Variants in ATP8A2 observed in about 807,000 individuals in gnomAD.
ATP8A2 encodes the protein phospholipid-transporting ATPase IB.
Under a neutral mutation model 165.6 loss-of-function variants are expected in ATP8A2, and 100 were observed. The observed-to-expected ratio is 0.60, with a 90% CI of 0.51 to 0.71. ATP8A2 has a LOEUF of 0.71. ATP8A2 is among the 30% of genes least tolerant of loss of function. The pLI is 0.00. For missense variants in ATP8A2, 1,227 were observed against 1,479.5 expected, an observed-to-expected ratio of 0.83 and a Z score of 2.80; for synonymous variants, 543 against 548.8, an observed-to-expected ratio of 0.99 and a Z score of 0.15.
intron 1 of ATP8A2, among the ~76,000 whole-genome samples, chr13:25,387,908 A>C (rs2033113659): frequency 6.6e-6 from 1 of 151,996 alleles, no homozygotes; most frequent in African/African-American, 2.4e-5. Context: ...TACTAAAAAT[A>C]TAAAATTAGC....
intron 25 of ATP8A2, among the ~76,000 whole-genome samples, chr13:25,744,325 A>ACCCCCCCCC (rs138866684): frequency 1.4e-4 from 21 of 148,504 alleles, no homozygotes; most frequent in African/African-American, 4.6e-4. Flanking sequence ...CTCACTCACC[A>ACCCCCCCCC]CCCCCCCGTG....
intron 2 of ATP8A2, among the ~76,000 whole-genome samples, chr13:25,477,209 T>C (rs2036019684): frequency 6.6e-6 from 1 of 152,220 alleles, no homozygotes; most frequent in African/African-American, 2.4e-5. Flanking sequence ...ATCTGTGCCA[T>C]TTCCACTGTT....
intron 2 of ATP8A2, among the ~76,000 whole-genome samples, chr13:25,480,614 C>T (rs969136411): frequency 3.3e-5 from 5 of 151,368 alleles, no homozygotes; most frequent in Non-Finnish European, 5.9e-5. Context: ...CGGGAAGAGG[C>T]GCTCCTCACT....
chr13:25,448,117 G>A (rs1159732630), intron 1 of ATP8A2, among the ~76,000 whole-genome samples: 2 of 152,190 alleles, frequency 1.3e-5, no homozygotes, highest in Non-Finnish European at 1.5e-5. Context: ...ATGGGTCCAG[G>A]CTTGAGGGTG....
intron 25 of ATP8A2, among the ~76,000 whole-genome samples, chr13:25,738,334 C>T (rs2043825535): frequency 4.1e-5 from 1 of 24,386 alleles, no homozygotes; most frequent in African/African-American, 1.1e-4. Flanking sequence ...TCTTTTTGTG[C>T]CCCCCTCCCC....
chr13:25,413,336 C>T (rs1453462823), intron 1 of ATP8A2, among the ~76,000 whole-genome samples: 4 of 125,054 alleles, frequency 3.2e-5, no homozygotes, highest in Non-Finnish European at 6.2e-5. Flanking sequence ...GGCTGGAGTG[C>T]ATTGGCATGG....
intron 16 of ATP8A2, among the ~76,000 whole-genome samples, chr13:25,566,609 G>C (rs73481726): frequency 6.6e-6 from 1 of 152,118 alleles, no homozygotes; most frequent in African/African-American, 2.4e-5. Context: ...CTAGATCAAC[G>C]AGGAGAAAGT....
chr13:25,474,279 G>A (rs1374471207), intron 2 of ATP8A2, among the ~76,000 whole-genome samples: 1 of 152,142 alleles, frequency 6.6e-6, no homozygotes, highest in Non-Finnish European at 1.5e-5. Context: ...TACCTTTACA[G>A]GGCCAGGCGC....
At position 25,538,026 on chromosome 13, in the gene ATP8A2, G is replaced by A. The variant is rs2038344472; in HGVS notation, c.546G>A (p.Gln182=). ...VGDIVKVVNG[Q]YLPADVVLLS... is the part of the protein sequence containing the mutation. ...ACATTGTGAAGGTCGTCAATGGGCA[G>A]TATCTTCCAGCAGATGTGGTCCTGC... The change falls in exon 7 of 37, where the codon CAG becomes CAA. Residue 182 remains glutamine (Q), a synonymous_variant. Coordinates refer to ENST00000381655, the MANE Select transcript of ATP8A2 (RefSeq NM_016529.6). 1 of 1,613,842 alleles carries A rather than the reference G, an allele frequency of 6.2e-7. No individual in the cohort carries two copies. Among genetic ancestry groups the A allele is most frequent in the African/African-American group, 1.3e-5 (1 of 74,914 alleles).
intron 33 of ATP8A2, among the ~76,000 whole-genome samples, chr13:25,920,986 C>T (rs746930922): frequency 6.6e-6 from 1 of 152,128 alleles, no homozygotes; most frequent in Non-Finnish European, 1.5e-5. Flanking sequence ...GGGAGAATCT[C>T]CTGAGCCTGG....
At chr13:25,543,150 T>C in intron 9 of ATP8A2, 141 bp from the exon 10 acceptor site, 1 of 538,144 alleles carries the variant, frequency 1.9e-6, no homozygotes, top group South Asian at 3.3e-5. Flanking sequence ...ATGGTAACCT[T>C]TGTTGTCTGT....
chr13:25,911,682 C>T (rs1003958642), intron 33 of ATP8A2, among the ~76,000 whole-genome samples: 2 of 152,194 alleles, frequency 1.3e-5, no homozygotes, highest in African/African-American at 4.8e-5. Context: ...ATGTTGACTT[C>T]CACACAGGAA....
chr13:25,609,345 G>A (rs1454202786), intron 24 of ATP8A2, among the ~76,000 whole-genome samples: 2 of 151,628 alleles, frequency 1.3e-5, no homozygotes, highest in Non-Finnish European at 2.9e-5. Flanking sequence ...AATTACCTAG[G>A]AAAAATCCAT....
intron 24 of ATP8A2, among the ~76,000 whole-genome samples, chr13:25,691,565 A>G (rs2042726366): frequency 6.6e-6 from 1 of 152,236 alleles, no homozygotes; most frequent in Admixed American, 6.5e-5. Context: ...AGGGTACCAG[A>G]CTGGCACCTG....
At chr13:25,854,689 A>G (rs2138726873) in intron 30 of ATP8A2, among the ~76,000 whole-genome samples, 1 of 152,328 alleles carries the variant, frequency 6.6e-6, no homozygotes, top group African/African-American at 2.4e-5. Context: ...TGCATTGTTC[A>G]ATAGCACTTT....
At chr13:25,800,274 A>T (rs1375004742) in intron 27 of ATP8A2, among the ~76,000 whole-genome samples, 8 of 152,270 alleles carry the variant, frequency 5.3e-5, no homozygotes, top group Admixed American at 4.6e-4. Context: ...ACAGGTAAAA[A>T]TGTACAATGG....
chr13:25,960,943 G>C (rs1955645544), intron 33 of ATP8A2, among the ~76,000 whole-genome samples: 1 of 152,094 alleles, frequency 6.6e-6, no homozygotes, highest in Non-Finnish European at 1.5e-5. Context: ...CTGAAATCGT[G>C]TTCATGTTTC....
At chr13:25,497,085 T>C (rs2036700279) in intron 2 of ATP8A2, among the ~76,000 whole-genome samples, 1 of 152,174 alleles carries the variant, frequency 6.6e-6, no homozygotes, top group African/African-American at 2.4e-5. Context: ...TGTGTGTTCT[T>C]CATGTGAGCA....
intron 25 of ATP8A2, among the ~76,000 whole-genome samples, chr13:25,739,423 G>A (rs1465449042): frequency 1.3e-5 from 2 of 152,224 alleles, no homozygotes; most frequent in East Asian, 3.8e-4. Flanking sequence ...GAAACCTATG[G>A]ATTTTTAACT....
Sources: gnomAD v4.1 joint callset for allele counts (sites outside exome capture counted in the v4.1 genomes callset) on GRCh38, gnomAD v4.1.1 for gene constraint, MANE v1.5 for transcripts, NCBI Gene and HGNC (gene_info 2026-07-23, HGNC 2026-07-21) for gene names.